The following BATF2 variants were observed in gnomAD, a reference collection of about 807,000 sequenced individuals.
BATF2 encodes basic leucine zipper ATF-like transcription factor 2, also known as basic leucine zipper transcriptional factor ATF-like 2.
BATF2 carries 4 observed loss-of-function variants against 7.3 expected under a neutral mutation model. The observed-to-expected ratio is 0.55, with a 90% CI of 0.27 to 1.26. The LOEUF (loss-of-function observed/expected upper bound fraction) is 1.26. Ranked by LOEUF, BATF2 falls within the 50% of genes most tolerant of loss-of-function variation. The pLI is 0.11. For missense variants in BATF2, 295 were observed against 340.5 expected (o/e 0.87, Z 1.05); for synonymous variants, 152 against 153.9 (o/e 0.99, Z 0.09).
In BATF2 at chr11:64,989,690, A is replaced by G. The variant is rs995218741; in HGVS notation, c.264T>C (p.Cys88=). 5 of 1,613,898 alleles carry G rather than the reference A, an allele frequency of 3.1e-6. No homozygotes were observed. Among genetic ancestry groups the G allele is most frequent in the Non-Finnish European group, 2.5e-6 (3 of 1,179,976 alleles). ...HVHERLCPMD[C]ASCSAPGLLG... ...GGAGCCCTGGAGCTGAGCAGGAGGC[A>G]CAATCCATGGGGCACAGGCGCTCAT... Residue 88 remains cysteine, a synonymous_variant, in exon 3 of 3, where the codon TGT becomes TGC. Transcript: ENST00000301887. The surrounding 1 kb of genome is among the most constrained non-coding windows in gnomAD (Gnocchi z 4.3).
chr11:64,996,215 C>T (rs1946108836), intron 1 of BATF2, among the ~76,000 whole-genome samples: 1 of 151,022 alleles, frequency 6.6e-6, no homozygotes, highest in South Asian at 2.1e-4. Context: ...CCCGCCTCAG[C>T]CTCCCAAAGT....
In BATF2 at chr11:64,989,023, T is replaced by G; in HGVS notation, c.*106A>C. 7.7e-7 allele frequency: 1 copy of G among 1,304,170 alleles called. No individual in the cohort carries two copies. The highest frequency in any genetic ancestry group is 1.1e-6 in the Non-Finnish European group (1 of 911,578). The allele number at this position is 1,304,170 out of a possible 1,614,324, so 80.8% of individuals were successfully genotyped here. On this transcript the variant is annotated 3_prime_UTR_variant, in exon 3 of 3. Coordinates refer to ENST00000301887, the MANE Select transcript of BATF2 (RefSeq NM_138456.4). This position sits in a 1 kb window ranked among gnomAD's most constrained non-coding sequence, Gnocchi z 4.3. ...TTCGACTGTGAAATCCTGGGCCAGC[T>G]GGTCAGCCACGCAGGGCAGCACCCA...
At chr11:64,994,694 C>T (rs1339030175) in intron 1 of BATF2, 145 bp from the exon 2 acceptor site, 2 of 722,436 alleles carry the variant, frequency 2.8e-6, no homozygotes, top group East Asian at 2.7e-5. Context: ...TTGGCACCCA[C>T]ACCCCCTATA....
intron 2 of BATF2, among the ~76,000 whole-genome samples, chr11:64,993,801 C>G (rs572238246): frequency 2.7e-5 from 4 of 149,360 alleles, no homozygotes; most frequent in African/African-American, 9.8e-5. Flanking sequence ...GAATAATCCA[C>G]TTTTTTTTTT....
rs201085074 is a variant in BATF2 at position 64,989,653 on chromosome 11, C to T, written c.301G>A (p.Asp101Asn). 1 of 1,613,306 alleles carries T rather than the reference C, an allele frequency of 6.2e-7. No homozygotes were observed. The highest frequency in any genetic ancestry group is 2.2e-5 in the East Asian group (1 of 44,872). The change falls in exon 3 of 3, where the codon GAC becomes AAC. Residue 101 changes from aspartate to asparagine, a missense_variant. Physicochemically the swap from Asp to Asn is conservative, Grantham distance 23. Transcript: ENST00000301887. The surrounding 1 kb of genome is among the most constrained non-coding windows in gnomAD (Gnocchi z 4.3). Reference protein sequence around the residue: ...CSAPGLLGCWDQAEGLLGPGP... With the variant: ...CSAPGLLGCWNQAEGLLGPGP... ...GGGCCCAGGAGCCCCTCAGCCTGGT[C>T]CCAGCAGCCCAGGAGCCCTGGAGCT...
At position 64,988,934 on chromosome 11, in the gene BATF2, T is replaced by A. The variant is rs1946045976; in HGVS notation, c.*195A>T. The A allele has an allele frequency of 1.7e-6, 1 of 598,180 alleles. No individual in the cohort carries two copies. Among genetic ancestry groups the A allele is most frequent in the East Asian group, 2.9e-5 (1 of 34,946 alleles). The allele number at this position is 598,180 out of a possible 1,614,324, so 37.1% of individuals were successfully genotyped here. ...TCGATTTCTCAGGTCAACTGTGAGG[T>A]TGAAATAAGATATTGGTGGTGACAG... On this transcript the variant is annotated 3_prime_UTR_variant, in exon 3 of 3. Coordinates refer to ENST00000301887, the MANE Select transcript of BATF2 (RefSeq NM_138456.4).
At position 64,996,825 on chromosome 11, in the gene BATF2, C is replaced by T. The variant is rs371673133; in HGVS notation, c.39+51G>A. The T allele has an allele frequency of 7.8e-5, 126 of 1,607,892 alleles. 2 individuals are homozygous for T. In the South Asian group the frequency reaches 1.1e-3, roughly 14 times the overall value. ...GCCCTCACTGCCTGGGCACTGAGGA[C>T]GGGATCCCAGCTCCCCTTCTCATCC... On this transcript the variant is annotated intron_variant, in intron 1 of 2. Coordinates refer to ENST00000301887, the MANE Select transcript of BATF2 (RefSeq NM_138456.4).
chr11:64,994,592 C>T, intron 1 of BATF2, 43 bp from the exon 2 acceptor site: 1 of 1,538,562 alleles, frequency 6.5e-7, no homozygotes, highest in Non-Finnish European at 8.8e-7. Flanking sequence ...CCAGCCAGGC[C>T]TTGTGCCCTC....
In BATF2 at chr11:64,989,607, C is replaced by T. The variant is rs1946056513; in HGVS notation, c.347G>A (p.Gly116Asp). 1.2e-6 allele frequency: 2 copies of T among 1,607,836 alleles called. No individual in the cohort carries two copies. Among genetic ancestry groups the T allele is most frequent in the Non-Finnish European group, 1.7e-6 (2 of 1,177,474 alleles). The change falls in exon 3 of 3, where the codon GGC becomes GAC. Residue 116 changes from glycine (G) to aspartate (D), a missense_variant. Physicochemically the swap from Gly to Asp is moderately conservative, Grantham distance 94. Transcript: ENST00000301887. This position sits in a 1 kb window ranked among gnomAD's most constrained non-coding sequence, Gnocchi z 4.3. ...GAACAGCTCCAGCTGCTCCCGGCAG[C>T]CATGTTGTCCCTGTGGGCCAGGGCC... is the stretch of plus-strand genomic sequence containing the variant. ...LLGPGPQGQH[G>D]CREQLELFQT...
At chr11:64,994,614 G>T in intron 1 of BATF2, 65 bp from the exon 2 acceptor site, 2 of 1,452,458 alleles carry the variant, frequency 1.4e-6, no homozygotes, top group Non-Finnish European at 9.4e-7. Context: ...GTCCTGGCCC[G>T]CCATTTGTAA....
Position 64,996,930 on chromosome 11 carries a change from GC to G in BATF2, c.-17del. ...AGAGGTGCATGGCTTAGGCGGGGGA[GC>G]AGAGTGGTCCCTCAGCAGCTGTGAC... On this transcript the variant is annotated 5_prime_UTR_variant, in exon 1 of 3. Transcript: ENST00000301887. 1 of 1,584,962 alleles carries G rather than the reference GC, an allele frequency of 6.3e-7. No homozygotes were observed. The highest frequency in any genetic ancestry group is 8.6e-7 in the Non-Finnish European group (1 of 1,164,286).
In BATF2 at chr11:64,988,778, C is replaced by A; in HGVS notation, c.*351G>T. The A allele has an allele frequency of 3.4e-6, 1 of 290,782 alleles. No homozygotes were observed. Among genetic ancestry groups the A allele is most frequent in the Non-Finnish European group, 6.6e-6 (1 of 151,014 alleles). The allele number at this position is 290,782 out of a possible 1,614,324, so 18.0% of individuals were successfully genotyped here. A position where few individuals can be genotyped will look rare whatever the true frequency, so the allele number is the denominator to read the frequency against. On this transcript the variant is annotated 3_prime_UTR_variant, in exon 3 of 3. Transcript: ENST00000301887. Reference sequence around the variant, plus strand: ...TCCAGGATTTCAGCCCCTAGGATGCCTGGGCCAGGACAGGAGAAGGAGGAG... The same window carrying A: ...TCCAGGATTTCAGCCCCTAGGATGCATGGGCCAGGACAGGAGAAGGAGGAG...
chr11:64,990,316 G>A (rs1029607213), intron 2 of BATF2: 113 of 1,473,560 alleles, frequency 7.7e-5, no homozygotes, highest in Non-Finnish European at 8.8e-5. Flanking sequence ...TCTGCTTCCC[G>A]GCCACATTTC....
intron 2 of BATF2, among the ~76,000 whole-genome samples, chr11:64,992,184 T>C (rs1946082238): frequency 6.6e-6 from 1 of 152,156 alleles, no homozygotes; most frequent in African/African-American, 2.4e-5. Context: ...ACCACATCCC[T>C]GTAATCCCAG....
chr11:64,989,447 C>G lies in BATF2; in HGVS notation c.507G>C (p.Gln169His). 1 of 1,609,722 alleles carries G rather than the reference C, an allele frequency of 6.2e-7. No homozygotes were observed. The highest frequency in any genetic ancestry group is 8.5e-7 in the Non-Finnish European group (1 of 1,177,888). ...CAAACAGGAGAGGGCTGGGGGACAG[C>G]TGGACAGGAGGTTCAGCAACCACAG... ...GPAVVAEPPV[Q>H]LSPSPLLFAS... The change falls in exon 3 of 3, where the codon CAG becomes CAC. Residue 169 changes from glutamine (Q) to histidine (H), a missense_variant. Physicochemically the swap from Gln to His is conservative, Grantham distance 24. Transcript: ENST00000301887. This position sits in a 1 kb window ranked among gnomAD's most constrained non-coding sequence, Gnocchi z 4.3.
At chr11:64,995,279 C>T (rs558050548) in intron 1 of BATF2, among the ~76,000 whole-genome samples, 7 of 152,368 alleles carry the variant, frequency 4.6e-5, no homozygotes, top group African/African-American at 1.7e-4. Context: ...AGCTTCCATT[C>T]TTCTCATTGC....
chr11:64,989,197 C>A lies in BATF2; in HGVS notation c.757G>T (p.Val253Phe). ...AGAGGGTGAGGGCTGGGATCCACAA[C>A]CAGCCCTTGCCAAGTGGCTGCTGAG... ...ALSAATWQGL[V>F]VDPSPHPLLA... The change falls in exon 3 of 3, where the codon GTT becomes TTT. Residue 253 changes from valine to phenylalanine, a missense_variant. Val to Phe is a conservative substitution (Grantham distance 50). Coordinates refer to ENST00000301887, the MANE Select transcript of BATF2 (RefSeq NM_138456.4). The surrounding 1 kb of genome is among the most constrained non-coding windows in gnomAD (Gnocchi z 4.3). 1 of 1,614,076 alleles carries A rather than the reference C, an allele frequency of 6.2e-7. No homozygotes were observed. The highest frequency in any genetic ancestry group is 1.1e-5 in the South Asian group (1 of 91,088).
intron 2 of BATF2, among the ~76,000 whole-genome samples, chr11:64,990,794 A>G (rs1946069486): frequency 6.6e-6 from 1 of 152,056 alleles, no homozygotes; most frequent in African/African-American, 2.4e-5. Context: ...CCCTGGACTC[A>G]AAGTTCTTTT....
chr11:64,993,802 T>C (rs1473560816), intron 2 of BATF2, among the ~76,000 whole-genome samples: 3 of 136,580 alleles, frequency 2.2e-5, no homozygotes, highest in Non-Finnish European at 4.5e-5. Flanking sequence ...AATAATCCAC[T>C]TTTTTTTTTC....
Sources: gnomAD v4.1 joint callset for allele counts (sites outside exome capture counted in the v4.1 genomes callset) on GRCh38, gnomAD v4.1.1 for gene constraint, Gnocchi (gnomAD v3.1) non-coding constraint, MANE v1.5 for transcripts, NCBI Gene and HGNC (gene_info 2026-07-23, HGNC 2026-07-21) for gene names.